Variants in F13A1 observed in about 807,000 individuals in gnomAD.
F13A1 encodes FSF, A subunit.
In F13A1, 47 loss-of-function variants were observed where a neutral mutation model predicts 80.1. The observed-to-expected ratio is 0.59, with a 90% CI of 0.46 to 0.75. The LOEUF (loss-of-function observed/expected upper bound fraction) is 0.75, where lower values mean the gene tolerates loss of function less well. Ranked by LOEUF, F13A1 falls within the 30% of genes least tolerant of loss-of-function variation. The pLI, the probability that F13A1 is intolerant of heterozygous loss-of-function variation, is 0.00. For missense variants in F13A1, 817 were observed against 930.4 expected, an observed-to-expected ratio of 0.88 and a Z score of 1.59; for synonymous variants, 349 against 344.9, an observed-to-expected ratio of 1.01 and a Z score of -0.13.
At position 6,182,172 on chromosome 6, in the gene F13A1, C is replaced by T. The variant is rs765533700; in HGVS notation, c.1306-31G>A. On this transcript the variant is annotated intron_variant, in intron 10 of 14. Transcript: ENST00000264870. The stretch of plus-strand genomic sequence containing the variant: ...AACAGGAGAGGAGAGCATTAGCCAT[C>T]ATCACATGTCTGCTGTTGCCAAAGT... 1.4e-5 allele frequency: 23 copies of T among 1,612,806 alleles called. No individual in the cohort carries two copies. In the African/African-American group the frequency reaches 2.4e-4, roughly 17 times the overall value.
chr6:6,157,524 C>G (rs918700573), intron 13 of F13A1, among the ~76,000 whole-genome samples: 1 of 152,102 alleles, frequency 6.6e-6, no homozygotes, highest in Admixed American at 6.5e-5. Flanking sequence ...GCTAAACCAT[C>G]AGTTGAGGAC....
Position 6,313,984 on chromosome 6 carries a change from C to CACTTTTTTTTT in F13A1, c.130+4550_130+4551insAAAAAAAAAGT, listed in dbSNP as rs374113663. 1.0e-4 allele frequency among the ~76,000 whole-genome samples: 14 copies of CACTTTTTTTTT among 139,308 alleles called. 3 individuals are homozygous for CACTTTTTTTTT. The highest frequency in any genetic ancestry group is 5.5e-5 in the African/African-American group (2 of 36,326). The allele number at this position is 139,308 out of a possible 152,430, so 91.4% of individuals were successfully genotyped here. A position where few individuals can be genotyped will look rare whatever the true frequency, so the allele number is the denominator to read the frequency against. ...TCTCCTGTTCTCCATTTTCTCCTTA[C>CACTTTTTTTTT]TCTTTTTTTTTTTTGAAACGGAGTC... On this transcript the variant is annotated intron_variant, in intron 2 of 14. Coordinates refer to ENST00000264870, the MANE Select transcript of F13A1 (RefSeq NM_000129.4).
chr6:6,155,474 A>G (rs1162454734), intron 13 of F13A1, among the ~76,000 whole-genome samples: 1 of 152,024 alleles, frequency 6.6e-6, no homozygotes, highest in African/African-American at 2.4e-5. Flanking sequence ...GGGTGAGAGG[A>G]GAAGCCCTTC....
intron 8 of F13A1, among the ~76,000 whole-genome samples, chr6:6,203,636 C>T (rs1020304725): frequency 3.3e-5 from 5 of 152,192 alleles, no homozygotes; most frequent in Non-Finnish European, 5.9e-5. Context: ...CAACACTGAT[C>T]GATTGCAGTT....
At position 6,237,123 on chromosome 6, in the gene F13A1, T is replaced by C. The variant is rs528798517; in HGVS notation, c.798+11189A>G. On this transcript the variant is annotated intron_variant, in intron 6 of 14. Coordinates refer to ENST00000264870, the MANE Select transcript of F13A1 (RefSeq NM_000129.4). ...TAGCTGCTCTGCTTTTTCTCTTTTA[T>C]GTATTTGGATTCAATTGCTGTTTGA... Among the ~76,000 whole-genome samples, 71 of 152,298 alleles carry C rather than the reference T, an allele frequency of 4.7e-4. 3 individuals are homozygous for C. The South Asian group carries it at 0.014, about 30-fold the overall frequency.
At chr6:6,297,922 C>T (rs1432240159) in intron 3 of F13A1, among the ~76,000 whole-genome samples, 6 of 149,882 alleles carry the variant, frequency 4.0e-5, no homozygotes, top group African/African-American at 5.1e-5. Context: ...GCTTTGAATG[C>T]GTCCCTGAGA....
intron 6 of F13A1, among the ~76,000 whole-genome samples, chr6:6,230,877 A>G (rs528752523): frequency 1.3e-4 from 20 of 152,314 alleles, no homozygotes; most frequent in South Asian, 1.0e-3. Flanking sequence ...AGCCACATCC[A>G]TAGGAAAAGG....
At chr6:6,223,603 TGG>T (rs1269823577) in intron 7 of F13A1, among the ~76,000 whole-genome samples, 2 of 152,168 alleles carry the variant, frequency 1.3e-5, no homozygotes, top group African/African-American at 4.8e-5. Context: ...CCTTCTTCCC[TGG>T]GTTATATTTA....
At chr6:6,181,883 T>G in intron 11 of F13A1, 105 bp downstream of exon 11, 1 of 1,248,270 alleles carries the variant, frequency 8.0e-7, no homozygotes, top group East Asian at 2.3e-5. Context: ...TGCTACCAAA[T>G]GCTGCAAATG....
chr6:6,204,266 G>C (rs1436837214), intron 8 of F13A1, among the ~76,000 whole-genome samples: 1 of 152,232 alleles, frequency 6.6e-6, no homozygotes, highest in Non-Finnish European at 1.5e-5. Context: ...TCTTAAAAGG[G>C]AAGAAAGAGA....
chr6:6,292,614 G>A (rs748304431), intron 3 of F13A1, among the ~76,000 whole-genome samples: 2 of 152,154 alleles, frequency 1.3e-5, no homozygotes, highest in Non-Finnish European at 2.9e-5. Flanking sequence ...ACCGCCGCTG[G>A]CTTTCCATAA....
intron 8 of F13A1, chr6:6,206,297 T>C (rs1285270979): frequency 2.8e-6 from 1 of 359,508 alleles, no homozygotes; most frequent in Non-Finnish European, 5.5e-6. Context: ...AGGCGGTGCA[T>C]ACTTTATTAG....
At chr6:6,184,774 C>T (rs1583060414) in intron 10 of F13A1, among the ~76,000 whole-genome samples, 1 of 152,148 alleles carries the variant, frequency 6.6e-6, no homozygotes, top group Non-Finnish European at 1.5e-5. Flanking sequence ...TTCAGAAATT[C>T]CTGTAGGCTG....
chr6:6,243,801 C>G lies in F13A1; in HGVS notation c.798+4511G>C, dbSNP rs776883190. 6.6e-6 allele frequency among the ~76,000 whole-genome samples: 1 copy of G among 152,214 alleles called. No homozygotes were observed. Among genetic ancestry groups the G allele is most frequent in the Non-Finnish European group, 1.5e-5 (1 of 68,042 alleles). ...CATGTGTTTCGACACAGATCCTCCA[C>G]TGGTAATGCCTTGACCCACTGGAGC... On this transcript the variant is annotated intron_variant, in intron 6 of 14. Coordinates refer to ENST00000264870, the MANE Select transcript of F13A1 (RefSeq NM_000129.4). This position sits in a 1 kb window ranked among gnomAD's most constrained non-coding sequence, Gnocchi z 4.2.
intron 8 of F13A1, among the ~76,000 whole-genome samples, chr6:6,201,420 A>T (rs1327573294): frequency 6.6e-6 from 1 of 152,184 alleles, no homozygotes; most frequent in Non-Finnish European, 1.5e-5. Flanking sequence ...AAATGCTCCC[A>T]GTAGGGCTGG....
At chr6:6,311,680 CAT>C (rs997615994) in intron 2 of F13A1, among the ~76,000 whole-genome samples, 4 of 41,448 alleles carry the variant, frequency 9.7e-5, no homozygotes, top group Non-Finnish European at 1.8e-4. Context: ...ATATATATTA[CAT>C]ATGTTTATAT....
rs1428614222 is a variant in F13A1, at chr6:6,145,255, GT to G, written c.*363del. 3.3e-6 allele frequency: 1 copy of G among 306,212 alleles called. No homozygotes were observed. The highest frequency in any genetic ancestry group is 2.2e-5 in the African/African-American group (1 of 45,892). 19.0% of individuals were successfully genotyped at this position (306,212 alleles called of 1,614,324 possible). A position where few individuals can be genotyped will look rare whatever the true frequency, so the allele number is the denominator to read the frequency against. On this transcript the variant is annotated 3_prime_UTR_variant, in exon 15 of 15. Coordinates refer to ENST00000264870, the MANE Select transcript of F13A1 (RefSeq NM_000129.4). ...GGCTGAGTGGGGAATCTGAAGTCTT[GT>G]TTTAAATGAGGCCAGGTATTGAGCA...
intron 3 of F13A1, among the ~76,000 whole-genome samples, chr6:6,290,709 A>G (rs1233808410): frequency 3.3e-5 from 5 of 152,336 alleles, no homozygotes; most frequent in Non-Finnish European, 7.4e-5. Flanking sequence ...CTTAGATGCC[A>G]TTATTAGTCA....
intron 13 of F13A1, among the ~76,000 whole-genome samples, chr6:6,156,047 T>C (rs1760471646): frequency 6.6e-6 from 1 of 152,256 alleles, no homozygotes; most frequent in Non-Finnish European, 1.5e-5. Context: ...AGAGTATTCA[T>C]TACTTGGGCC....
Sources: allele counts gnomAD v4.1 joint callset (sites outside exome capture counted in the v4.1 genomes callset), GRCh38; gene constraint gnomAD v4.1.1; non-coding constraint Gnocchi (gnomAD v3.1); transcripts MANE v1.5; gene names NCBI Gene and HGNC (gene_info 2026-07-23, HGNC 2026-07-21).